Variants in PROSER3 observed in about 807,000 individuals in gnomAD.
The protein encoded by PROSER3 is proline and serine-rich protein 3.
PROSER3 carries 33 observed loss-of-function variants against 50.2 expected under a neutral mutation model. The ratio of observed to expected loss-of-function variants is 0.66; its 90% CI spans 0.50 to 0.88. The LOEUF (loss-of-function observed/expected upper bound fraction) is 0.88. Among genes scored for constraint, PROSER3 ranks in the 40% least tolerant of loss-of-function variants. PROSER3 has a pLI of 0.00. For synonymous variants in PROSER3, 266 were observed against 259.3 expected (o/e 1.03, Z -0.25); for missense variants, 623 against 612.7 (o/e 1.02, Z -0.18).
intron 7 of PROSER3, among the ~76,000 whole-genome samples, chr19:35,766,532 A>G (rs1052929819): frequency 5.9e-5 from 9 of 151,804 alleles, no homozygotes; most frequent in Non-Finnish European, 1.2e-4. Context: ...GAACAAGACT[A>G]TATATATATA....
chr19:35,768,640 A>G, exon 11 of PROSER3: 3 of 1,444,616 alleles, frequency 2.1e-6, no homozygotes, highest in Non-Finnish European at 2.7e-6. Context: ...GGAAAGGCCA[A>G]GGGGTCATGC....
At chr19:35,768,021 A>G in exon 9 of PROSER3, 10 of 1,584,256 alleles carry the variant, frequency 6.3e-6, no homozygotes, top group Non-Finnish European at 8.6e-6. Flanking sequence ...GCCCCCTCGG[A>G]GGCCCTGCTT....
chr19:35,764,551 G>A (rs1277988404), intron 5 of PROSER3, among the ~76,000 whole-genome samples: 1 of 152,082 alleles, frequency 6.6e-6, no homozygotes, highest in Non-Finnish European at 1.5e-5. Context: ...AGGTACTTGG[G>A]AGGCTGAGGC....
rs150574903 is a variant in PROSER3 at position 35,767,732 on chromosome 19, C to T, written c.958-72C>T. The T allele has an allele frequency of 9.2e-4, 1,411 of 1,535,036 alleles. 1 individual carries two copies. Among genetic ancestry groups the T allele is most frequent in the Non-Finnish European group, 1.1e-3 (1,289 of 1,135,434 alleles). On this transcript the variant is annotated intron_variant, in intron 8 of 10. Coordinates refer to ENST00000396908, the Ensembl canonical transcript of PROSER3. Reference sequence around the variant, plus strand: ...CCCCCCTCCACCCAAGGCTGGATCTCCGAAAGTCCAGGCCACACAACCCCA... The same window carrying T: ...CCCCCCTCCACCCAAGGCTGGATCTTCGAAAGTCCAGGCCACACAACCCCA...
exon 5 of PROSER3, chr19:35,762,356 G>C (rs371223633): frequency 1.3e-5 from 21 of 1,596,486 alleles, no homozygotes; most frequent in Middle Eastern, 1.6e-4. Context: ...AAATAAAGCA[G>C]GTGACATCCC....
intron 3 of PROSER3, among the ~76,000 whole-genome samples, chr19:35,761,765 G>A (rs1279297717): frequency 1.3e-5 from 2 of 152,180 alleles, no homozygotes; most frequent in Non-Finnish European, 2.9e-5. Context: ...GGAGGCTGAG[G>A]AGAGAGGATT....
intron 8 of PROSER3, chr19:35,767,100 G>A (rs1971173107): frequency 3.7e-6 from 4 of 1,076,798 alleles, no homozygotes; most frequent in Non-Finnish European, 5.2e-6. Context: ...GAGACCCTCA[G>A]TTCTCTGGGG....
intron 10 of PROSER3, 84 bp downstream of exon 10, chr19:35,768,320 C>A (rs1971241825): frequency 6.4e-7 from 1 of 1,556,544 alleles, no homozygotes. Flanking sequence ...CCCTCCTCAT[C>A]CCCTGTCCCA....
At chr19:35,759,518 G>T (rs370636534) in intron 2 of PROSER3, 48 bp downstream of exon 2, 366 of 1,504,562 alleles carry the variant, frequency 2.4e-4, no homozygotes, top group Non-Finnish European at 3.2e-4. Flanking sequence ...AGTAGCAAGA[G>T]AATGACCTTT....
chr19:35,762,532 G>A (rs1970988906), intron 5 of PROSER3, 176 bp downstream of exon 5: 3 of 407,836 alleles, frequency 7.4e-6, no homozygotes, highest in East Asian at 8.2e-5. Flanking sequence ...GACATGGTGA[G>A]ATTCTGCCTC....
At chr19:35,760,789 T>C (rs1012524888) in intron 3 of PROSER3, among the ~76,000 whole-genome samples, 1 of 152,170 alleles carries the variant, frequency 6.6e-6, no homozygotes, top group African/African-American at 2.4e-5. Context: ...CAGGCCTAAA[T>C]TGGGCATATT....
exon 9 of PROSER3, chr19:35,767,989 G>T (rs769408838): frequency 1.3e-6 from 2 of 1,595,064 alleles, no homozygotes; most frequent in South Asian, 1.1e-5. Context: ...CCCTGGCCCC[G>T]CCCCCGCCCG....
chr19:35,762,415 A>G, intron 5 of PROSER3, 59 bp downstream of exon 5: 1 of 1,453,076 alleles, frequency 6.9e-7, no homozygotes, highest in Non-Finnish European at 9.5e-7. Flanking sequence ...CAGCCCTAGG[A>G]CAGAATTAGA....
intron 1 of PROSER3, 189 bp downstream of exon 1, chr19:35,758,415 C>T (rs1412342846): frequency 1.6e-6 from 1 of 644,478 alleles, no homozygotes; most frequent in South Asian, 2.4e-5. Flanking sequence ...CGGGGGTCCC[C>T]TAAGAGTCTT....
At chr19:35,767,311 C>T in intron 8 of PROSER3, 1 of 295,074 alleles carries the variant, frequency 3.4e-6, no homozygotes, top group Non-Finnish European at 6.3e-6. Context: ...AGCAGGCCTC[C>T]ACCCTAGCAC....
chr19:35,765,241 G>T, intron 7 of PROSER3, 65 bp downstream of exon 7: 3 of 1,543,220 alleles, frequency 1.9e-6, no homozygotes, highest in Non-Finnish European at 8.8e-7. Context: ...CCACTGACCA[G>T]CTATGGGACT....
At position 35,765,256 on chromosome 19, in the gene PROSER3, G is replaced by A. The variant is rs62112161; in HGVS notation, c.769+80G>A. 2.1e-3 allele frequency: 3,089 copies of A among 1,451,258 alleles called. 6 individuals carry two copies. Among genetic ancestry groups the A allele is most frequent in the Middle Eastern group, 3.3e-3 (18 of 5,528 alleles). The allele number at this position is 1,451,258 out of a possible 1,614,324, so 89.9% of individuals were successfully genotyped here. A position where few individuals can be genotyped will look rare whatever the true frequency, so the allele number is the denominator to read the frequency against. ...CCACTGACCAGCTATGGGACTTTGG[G>A]CCTCTCTGGGCCTTGTTTCTCCAGC... On this transcript the variant is annotated intron_variant, in intron 7 of 10. Coordinates refer to ENST00000396908, the Ensembl canonical transcript of PROSER3.
At chr19:35,759,867 G>A in exon 3 of PROSER3, 2 of 1,584,978 alleles carry the variant, frequency 1.3e-6, no homozygotes, top group Non-Finnish European at 1.7e-6. Context: ...CAACTCCCCT[G>A]AGCTGTTTGA....
At chr19:35,766,917 G>A in exon 8 of PROSER3, 1 of 1,554,566 alleles carries the variant, frequency 6.4e-7, no homozygotes, top group Non-Finnish European at 8.7e-7. Flanking sequence ...GGGTGACAGA[G>A]CTTGGGTGCC....
Sources: allele counts gnomAD v4.1 joint callset (sites outside exome capture counted in the v4.1 genomes callset), GRCh38; gene constraint gnomAD v4.1.1; transcripts MANE v1.5; gene names NCBI Gene and HGNC (gene_info 2026-07-23, HGNC 2026-07-21).